ADGRL3: variants seen among roughly 807,000 people sequenced by gnomAD.
The protein encoded by ADGRL3 is adhesion G protein-coupled receptor L3, also known as calcium-independent alpha-latrotoxin receptor 3.
Under a neutral mutation model 153.5 loss-of-function variants are expected in ADGRL3, and 62 were observed. The observed-to-expected ratio is 0.40, with a 90% CI of 0.33 to 0.50. ADGRL3 has a LOEUF of 0.50. Among genes scored for constraint, ADGRL3 ranks in the 20% least tolerant of loss-of-function variants. ADGRL3 has a pLI of 0.47. For missense variants in ADGRL3, 1,641 were observed against 1,859.4 expected (o/e 0.88, Z 2.16); for synonymous variants, 710 against 672.5 (o/e 1.06, Z -0.86).
chr4:61,209,454 A>G (rs1361137892), intron 1 of ADGRL3, among the ~76,000 whole-genome samples: 1 of 152,166 alleles, frequency 6.6e-6, no homozygotes, highest in East Asian at 1.9e-4. Flanking sequence ...GTATTATTAG[A>G]AATGTCCTTG....
chr4:61,386,814 G>A (rs972957249), intron 2 of ADGRL3, among the ~76,000 whole-genome samples: 2 of 152,076 alleles, frequency 1.3e-5, no homozygotes, highest in African/African-American at 2.4e-5. Flanking sequence ...TCTTCATTTG[G>A]ACAAAATGTA....
intron 1 of ADGRL3, among the ~76,000 whole-genome samples, chr4:61,372,827 T>C (rs868850566): frequency 2.0e-4 from 31 of 151,590 alleles, no homozygotes; most frequent in African/African-American, 3.7e-4. Flanking sequence ...CCTCCCCCAG[T>C]CTCGCTGCCG....
intron 9 of ADGRL3, among the ~76,000 whole-genome samples, chr4:61,887,793 C>T (rs1355190768): frequency 6.6e-6 from 1 of 152,022 alleles, no homozygotes; most frequent in Non-Finnish European, 1.5e-5. Context: ...TGCAGTGAGC[C>T]AAGATTGCAC....
chr4:61,889,614 C>T (rs1174933409), intron 9 of ADGRL3, among the ~76,000 whole-genome samples: 2 of 152,164 alleles, frequency 1.3e-5, no homozygotes, highest in Non-Finnish European at 2.9e-5. Context: ...ATTTTCATTA[C>T]ATGGTACTGG....
chr4:61,902,180 G>A (rs766344978), intron 11 of ADGRL3, among the ~76,000 whole-genome samples: 17 of 152,228 alleles, frequency 1.1e-4, no homozygotes, highest in Non-Finnish European at 2.2e-4. Flanking sequence ...CAGAAAATGT[G>A]GCCATGAAAC....
chr4:61,584,520 C>T (rs2098938638), intron 4 of ADGRL3, among the ~76,000 whole-genome samples: 1 of 151,914 alleles, frequency 6.6e-6, no homozygotes, highest in Non-Finnish European at 1.5e-5. Context: ...AAACCAAATT[C>T]CCCACTTACT....
chr4:61,977,931 A>G (rs1489316716), intron 17 of ADGRL3, among the ~76,000 whole-genome samples: 1 of 152,054 alleles, frequency 6.6e-6, no homozygotes, highest in Non-Finnish European at 1.5e-5. Flanking sequence ...TAGGTTTTCT[A>G]CCATTGCCCC....
chr4:61,537,515 A>G (rs778736728), intron 4 of ADGRL3, among the ~76,000 whole-genome samples: 2 of 152,146 alleles, frequency 1.3e-5, no homozygotes, highest in African/African-American at 2.4e-5. Context: ...CCTACAAGTA[A>G]TAGGTTTGGT....
chr4:61,378,355 A>G (rs2096629065), intron 1 of ADGRL3, among the ~76,000 whole-genome samples: 1 of 152,038 alleles, frequency 6.6e-6, no homozygotes, highest in African/African-American at 2.4e-5. Context: ...TTCCACCCCC[A>G]GATACTTTAT....
chr4:62,024,958 G>GC (rs1327568733), intron 21 of ADGRL3, among the ~76,000 whole-genome samples: 4 of 149,960 alleles, frequency 2.7e-5, no homozygotes, highest in African/African-American at 9.8e-5. Context: ...AATTCTGAAT[G>GC]CCTTTTATTT....
rs562653968 is a variant in ADGRL3, at chr4:61,897,290, A to G, written c.1887+1456A>G. Among the ~76,000 whole-genome samples the G allele has an allele frequency of 2.0e-5, 3 of 152,324 alleles. No homozygotes were observed. The South Asian group carries it at 6.2e-4, about 32-fold the overall frequency. ...AAACTTAAAGAACTTAGTTGATTGG[A>G]ACTTATTAAAAAAACCTTAGATTGA... On this transcript the variant is annotated intron_variant, in intron 11 of 26. Transcript: ENST00000683033.
chr4:61,585,768 A>G (rs550068761), intron 4 of ADGRL3, among the ~76,000 whole-genome samples: 5 of 152,178 alleles, frequency 3.3e-5, no homozygotes, highest in Admixed American at 2.6e-4. Context: ...TATGTTCACA[A>G]TCTTGGAGAG....
chr4:61,809,461 A>G (rs1284996411), intron 8 of ADGRL3, among the ~76,000 whole-genome samples: 6 of 152,108 alleles, frequency 3.9e-5, no homozygotes, highest in Admixed American at 1.3e-4. Context: ...GCCTTTACCT[A>G]TGCATTTATC....
intron 2 of ADGRL3, among the ~76,000 whole-genome samples, chr4:61,418,268 T>G (rs966736944): frequency 6.6e-6 from 1 of 152,310 alleles, no homozygotes; most frequent in African/African-American, 2.4e-5. Flanking sequence ...AATTTCTCTT[T>G]AGGGTCAGAA....
At chr4:62,020,744 A>G (rs1486058157) in intron 21 of ADGRL3, among the ~76,000 whole-genome samples, 2 of 152,128 alleles carry the variant, frequency 1.3e-5, no homozygotes, top group Non-Finnish European at 2.9e-5. Flanking sequence ...GTTATGTCTT[A>G]TGCTTTATAG....
chr4:61,229,215 C>T (rs1749417608), intron 1 of ADGRL3, among the ~76,000 whole-genome samples: 1 of 152,156 alleles, frequency 6.6e-6, no homozygotes, highest in African/African-American at 2.4e-5. Context: ...CCAATTGGCT[C>T]AACATTTCCT....
intron 2 of ADGRL3, among the ~76,000 whole-genome samples, chr4:61,468,860 T>G (rs1481928750): frequency 6.6e-6 from 1 of 152,048 alleles, no homozygotes; most frequent in Non-Finnish European, 1.5e-5. Context: ...TCCCTTCTAT[T>G]GACAGATCTC....
intron 9 of ADGRL3, among the ~76,000 whole-genome samples, chr4:61,862,238 A>C (rs969224112): frequency 2.6e-5 from 4 of 152,164 alleles, no homozygotes; most frequent in African/African-American, 9.6e-5. Flanking sequence ...AAACTAGAAC[A>C]AGCTGGTTTC....
intron 6 of ADGRL3, among the ~76,000 whole-genome samples, chr4:61,696,843 A>G (rs767576948): frequency 6.6e-6 from 1 of 151,552 alleles, no homozygotes; most frequent in Non-Finnish European, 1.5e-5. Flanking sequence ...GTCCAGCTAA[A>G]TTTTTGTATT....
Sources: gnomAD v4.1 joint callset for allele counts (sites outside exome capture counted in the v4.1 genomes callset) on GRCh38, gnomAD v4.1.1 for gene constraint, MANE v1.5 for transcripts, NCBI Gene and HGNC (gene_info 2026-07-23, HGNC 2026-07-21) for gene names.